The following DICER1 variants were observed in gnomAD, a reference collection of about 807,000 sequenced individuals.
DICER1 encodes the protein dicer 1, ribonuclease III, also known as endoribonuclease Dicer.
Under a neutral mutation model 194.1 loss-of-function variants are expected in DICER1, and 43 were observed. The observed-to-expected ratio is 0.22, with a 90% CI of 0.17 to 0.29. DICER1 has a LOEUF of 0.29. Among genes scored for constraint, DICER1 ranks in the 10% least tolerant of loss-of-function variants. The probability of loss-of-function intolerance (pLI) is 1.00; values close to 1 mark genes in which losing one functional copy is unlikely to be tolerated. For synonymous variants in DICER1, 832 were observed against 820.5 expected (o/e 1.01, Z -0.24); for missense variants, 1,608 against 2,317.0 (o/e 0.69, Z 6.28).
At chr14:95,136,278 T>C (rs1238756611) in intron 1 of DICER1, among the ~76,000 whole-genome samples, 1 of 152,250 alleles carries the variant, frequency 6.6e-6, no homozygotes, top group East Asian at 1.9e-4. Flanking sequence ...TGATTCTGGC[T>C]AGCTCTCAAA....
At chr14:95,130,631 T>A (rs563624317) in intron 4 of DICER1, among the ~76,000 whole-genome samples, 29 of 152,370 alleles carry the variant, frequency 1.9e-4, no homozygotes, top group South Asian at 4.1e-4. Context: ...GCTTTATTAA[T>A]GAGGACTTAT....
intron 8 of DICER1, among the ~76,000 whole-genome samples, chr14:95,123,341 T>C (rs942191344): frequency 6.6e-6 from 1 of 152,210 alleles, no homozygotes; most frequent in Non-Finnish European, 1.5e-5. Flanking sequence ...CTTATTCTCT[T>C]CTGATTCACA....
chr14:95,130,478 T>C (rs1046321683), intron 4 of DICER1, among the ~76,000 whole-genome samples: 5 of 152,266 alleles, frequency 3.3e-5, no homozygotes, highest in Non-Finnish European at 5.9e-5. Context: ...AGCCATATTA[T>C]GACTGATGAG....
chr14:95,114,873 T>G (rs1394548651), intron 11 of DICER1, among the ~76,000 whole-genome samples: 1 of 152,142 alleles, frequency 6.6e-6, no homozygotes, highest in African/African-American at 2.4e-5. Flanking sequence ...AGACTGACAG[T>G]AAGACTACAA....
At chr14:95,110,388 T>G (rs984934493) in intron 14 of DICER1, among the ~76,000 whole-genome samples, 23 of 152,144 alleles carry the variant, frequency 1.5e-4, no homozygotes, top group Admixed American at 1.0e-3. Flanking sequence ...CCATGCTCAC[T>G]CACAGTGGGG....
chr14:95,128,151 C>T (rs1396546881), intron 6 of DICER1, among the ~76,000 whole-genome samples: 1 of 152,098 alleles, frequency 6.6e-6, no homozygotes, highest in Non-Finnish European at 1.5e-5. Flanking sequence ...CACATAATAT[C>T]CTAAAAGTAC....
intron 10 of DICER1, among the ~76,000 whole-genome samples, chr14:95,116,058 G>GACACACACACACAC (rs150390018): frequency 3.5e-5 from 5 of 142,952 alleles, no homozygotes; most frequent in Admixed American, 2.1e-4. Flanking sequence ...TGCCTACACA[G>GACACACACACACAC]ACACACACAC....
Position 95,112,555 on chromosome 14 carries a change from A to G in DICER1, c.2041-308T>C, listed in dbSNP as rs1892070795. 2.0e-5 allele frequency among the ~76,000 whole-genome samples: 3 copies of G among 152,236 alleles called. No individual in the cohort carries two copies. In the South Asian group the frequency reaches 6.2e-4, roughly 32 times the overall value. On this transcript the variant is annotated intron_variant, in intron 12 of 26. Transcript: ENST00000343455. The stretch of plus-strand genomic sequence containing the variant: ...TAATCAATAAATATGTAACAAAAAG[A>G]AAGATTTATCAAAACATAGCTATAA...
intron 1 of DICER1, among the ~76,000 whole-genome samples, chr14:95,141,492 C>T (rs1894826705): frequency 6.6e-6 from 1 of 152,194 alleles, no homozygotes; most frequent in Non-Finnish European, 1.5e-5. Flanking sequence ...TCTGAGCCTT[C>T]TGCAATGCCT....
chr14:95,091,753 G>A (rs1299587335), intron 24 of DICER1, among the ~76,000 whole-genome samples: 4 of 152,200 alleles, frequency 2.6e-5, no homozygotes, highest in African/African-American at 9.7e-5. Flanking sequence ...TGCTTGGCAA[G>A]CATTCAATAG....
At chr14:95,134,538 C>T (rs1242022133) in intron 1 of DICER1, 3 of 152,308 alleles carry the variant, frequency 2.0e-5, no homozygotes, top group African/African-American at 7.2e-5. Context: ...TACTTAACAA[C>T]CAAAACTTTT....
intron 21 of DICER1, among the ~76,000 whole-genome samples, chr14:95,102,728 CCTTTT>C (rs1360479729): frequency 1.2e-4 from 19 of 152,168 alleles, no homozygotes; most frequent in African/African-American, 3.6e-4. Flanking sequence ...TACCTTCATT[CCTTTT>C]CTTAAGTCTT....
intron 8 of DICER1, among the ~76,000 whole-genome samples, chr14:95,120,693 T>A (rs1892868863): frequency 6.6e-6 from 1 of 152,160 alleles, no homozygotes; most frequent in Non-Finnish European, 1.5e-5. Context: ...AACAAATAAA[T>A]AACACAGTAT....
At chr14:95,129,998 A>G in intron 5 of DICER1, 60 bp downstream of exon 5, 1 of 1,548,710 alleles carries the variant, frequency 6.5e-7, no homozygotes, top group African/African-American at 1.4e-5. Context: ...TCTAAAAACA[A>G]AAATCTGCAT....
At chr14:95,154,906 C>T (rs901068897) in intron 1 of DICER1, among the ~76,000 whole-genome samples, 36 of 150,616 alleles carry the variant, frequency 2.4e-4, no homozygotes, top group Non-Finnish European at 3.5e-4. Context: ...ATTCAAATAA[C>T]CATTCATTCA....
At chr14:95,097,450 T>TA (rs1491391809) in intron 22 of DICER1, among the ~76,000 whole-genome samples, 1 of 152,192 alleles carries the variant, frequency 6.6e-6, no homozygotes, top group African/African-American at 2.4e-5. Flanking sequence ...GAAGAAAATT[T>TA]AGACTAACAT....
chr14:95,128,776 G>C (rs772383218), intron 6 of DICER1, among the ~76,000 whole-genome samples: 21 of 152,186 alleles, frequency 1.4e-4, no homozygotes, highest in Non-Finnish European at 2.6e-4. Flanking sequence ...GCTACTTATT[G>C]TAACTGTCCT....
chr14:95,117,257 T>C (rs759996195), intron 9 of DICER1, among the ~76,000 whole-genome samples: 17 of 152,086 alleles, frequency 1.1e-4, no homozygotes, highest in African/African-American at 4.8e-5. Flanking sequence ...AAGAAAACAC[T>C]TTCTAGGAAA....
intron 22 of DICER1, among the ~76,000 whole-genome samples, chr14:95,097,530 G>T (rs930262575): frequency 6.6e-6 from 1 of 152,178 alleles, no homozygotes; most frequent in Non-Finnish European, 1.5e-5. Context: ...AAGCTTATTT[G>T]TGAGTGACAA....
Sources: gnomAD v4.1 joint callset for allele counts (sites outside exome capture counted in the v4.1 genomes callset) on GRCh38, gnomAD v4.1.1 for gene constraint, MANE v1.5 for transcripts, NCBI Gene and HGNC (gene_info 2026-07-23, HGNC 2026-07-21) for gene names.